Variants in DCHS2 observed in about 807,000 individuals in gnomAD.
DCHS2 encodes protocadherin-23.
A neutral mutation model predicts 182.4 loss-of-function variants in DCHS2; 142 were observed. The ratio of observed to expected loss-of-function variants is 0.78; its 90% CI spans 0.68 to 0.89. The LOEUF is 0.89. Among genes scored for constraint, DCHS2 ranks in the 40% least tolerant of loss-of-function variants. The pLI is 0.00. For synonymous variants in DCHS2, 1,740 were observed against 1,663.3 expected (o/e 1.05, Z -1.12); for missense variants, 4,319 against 4,198.6 (o/e 1.03, Z -0.79).
At chr4:154,452,662 T>C (rs2110979690) in intron 1 of DCHS2, among the ~76,000 whole-genome samples, 1 of 151,326 alleles carries the variant, frequency 6.6e-6, no homozygotes, top group Admixed American at 6.6e-5. Context: ...AAAAAAACTG[T>C]TAAAGGTTGA....
At chr4:154,331,629 T>C in intron 5 of DCHS2, 1 of 1,613,848 alleles carries the variant, frequency 6.2e-7, no homozygotes, top group South Asian at 1.1e-5. Flanking sequence ...AGGCTTGAAG[T>C]TCATCAGAAC....
chr4:154,471,440 T>C (rs1457158627), intron 1 of DCHS2, among the ~76,000 whole-genome samples: 1 of 152,194 alleles, frequency 6.6e-6, no homozygotes, highest in Non-Finnish European at 1.5e-5. Context: ...GATCAAACCA[T>C]GCTTCCCTTT....
intron 16 of DCHS2, among the ~76,000 whole-genome samples, chr4:154,252,765 A>C (rs1243186142): frequency 6.6e-6 from 1 of 151,754 alleles, no homozygotes; most frequent in Non-Finnish European, 1.5e-5. Context: ...AACCTCGGCT[A>C]TTGTGAATAT....
At chr4:154,280,832 T>C (rs1438695839) in intron 13 of DCHS2, among the ~76,000 whole-genome samples, 1 of 151,292 alleles carries the variant, frequency 6.6e-6, no homozygotes, top group African/African-American at 2.4e-5. Flanking sequence ...TCACTTCTTT[T>C]TTTTTTTTTT....
At chr4:154,428,316 G>A (rs1733416753) in intron 1 of DCHS2, among the ~76,000 whole-genome samples, 2 of 152,148 alleles carry the variant, frequency 1.3e-5, no homozygotes, top group African/African-American at 4.8e-5. Flanking sequence ...GAGGCGGGAG[G>A]ATTGTTTGAG....
rs72721390 is a variant in DCHS2 at position 154,266,923 on chromosome 4, A to G, written c.6577+2977T>C. 3.1e-3 allele frequency among the ~76,000 whole-genome samples: 475 copies of G among 152,234 alleles called. 2 individuals carry two copies. Among genetic ancestry groups the G allele is most frequent in the Non-Finnish European group, 5.3e-3 (363 of 68,026 alleles). Reference sequence around the variant, plus strand: ...TCTTCCTCATTTATTAACAATTCTCATTGGCCTTCAATATGTTCTTCTACT... The same window carrying G: ...TCTTCCTCATTTATTAACAATTCTCGTTGGCCTTCAATATGTTCTTCTACT... On this transcript the variant is annotated intron_variant, in intron 14 of 19. Coordinates refer to ENST00000357232, the MANE Select transcript of DCHS2 (RefSeq NM_001358235.2).
intron 1 of DCHS2, among the ~76,000 whole-genome samples, chr4:154,465,956 G>A (rs893565645): frequency 1.3e-5 from 2 of 152,154 alleles, no homozygotes; most frequent in Non-Finnish European, 2.9e-5. Context: ...AGATATTAAA[G>A]CTGCATTGTC....
At chr4:154,266,069 G>A (rs78182432) in intron 14 of DCHS2, among the ~76,000 whole-genome samples, 5,369 of 152,184 alleles carry the variant, frequency 0.035, 303 homozygotes, top group African/African-American at 0.12. Flanking sequence ...GCAAAATATC[G>A]TATTGTACTG....
chr4:154,468,038 TA>T lies in DCHS2; in HGVS notation c.2052+21265del, dbSNP rs202019391. On this transcript the variant is annotated intron_variant, in intron 1 of 19. Transcript: ENST00000357232. Reference sequence around the variant, plus strand: ...GTTGGTTTCAATGCCTGACCACCATTACCCTAAAAGCAAAACCTCATCAGCT... The same window carrying T: ...GTTGGTTTCAATGCCTGACCACCATTCCCTAAAAGCAAAACCTCATCAGCT... 4.6e-5 allele frequency among the ~76,000 whole-genome samples: 7 copies of T among 152,266 alleles called. No homozygotes were observed. The East Asian group carries it at 1.2e-3, about 25-fold the overall frequency.
chr4:154,463,757 C>T (rs1735121321), intron 1 of DCHS2, among the ~76,000 whole-genome samples: 2 of 151,288 alleles, frequency 1.3e-5, no homozygotes, highest in Admixed American at 1.3e-4. Flanking sequence ...TGTCTCTCTC[C>T]CCAAACTAAA....
chr4:154,320,094 A>G (rs1482297049), intron 9 of DCHS2, among the ~76,000 whole-genome samples: 5 of 152,216 alleles, frequency 3.3e-5, no homozygotes, highest in Non-Finnish European at 7.3e-5. Flanking sequence ...TCACAAAAAG[A>G]CAAAACTCCA....
intron 11 of DCHS2, 29 bp from the exon 12 acceptor site, chr4:154,304,907 T>C (rs1735384247): frequency 1.3e-6 from 2 of 1,575,768 alleles, no homozygotes; most frequent in Middle Eastern, 1.7e-4. Context: ...ACGGTATGAA[T>C]TGTGGCCTTT....
intron 10 of DCHS2, among the ~76,000 whole-genome samples, chr4:154,307,967 AAC>A (rs1735516136): frequency 6.6e-6 from 1 of 152,152 alleles, no homozygotes; most frequent in Admixed American, 6.5e-5. Context: ...TCATTCTTCA[AAC>A]ACACTCTCAG....
chr4:154,453,579 T>C (rs1427240205), intron 1 of DCHS2, among the ~76,000 whole-genome samples: 1 of 152,168 alleles, frequency 6.6e-6, no homozygotes, highest in Non-Finnish European at 1.5e-5. Context: ...ACTCATCTGC[T>C]GGGCAGTCTT....
intron 1 of DCHS2, among the ~76,000 whole-genome samples, chr4:154,405,745 C>T (rs1328457931): frequency 6.6e-6 from 1 of 152,156 alleles, no homozygotes; most frequent in Non-Finnish European, 1.5e-5. Flanking sequence ...CATTTTTTAG[C>T]AGCTGTTTAA....
At chr4:154,296,346 G>A (rs1734923744) in intron 13 of DCHS2, among the ~76,000 whole-genome samples, 1 of 152,150 alleles carries the variant, frequency 6.6e-6, no homozygotes, top group Non-Finnish European at 1.5e-5. Context: ...GGGTAGTCAG[G>A]AGGGGTGGCA....
At chr4:154,297,049 A>G (rs893672480) in intron 13 of DCHS2, among the ~76,000 whole-genome samples, 2 of 152,236 alleles carry the variant, frequency 1.3e-5, no homozygotes, top group Non-Finnish European at 2.9e-5. Context: ...TGTCTAAAAT[A>G]TGATCTGGCA....
At chr4:154,331,002 C>G (rs981941699) in intron 5 of DCHS2, among the ~76,000 whole-genome samples, 1 of 151,986 alleles carries the variant, frequency 6.6e-6, no homozygotes, top group Non-Finnish European at 1.5e-5. Context: ...TGGGGATGGG[C>G]GACACCAGGA....
chr4:154,441,542 A>G (rs1460902926), intron 1 of DCHS2, among the ~76,000 whole-genome samples: 2 of 146,912 alleles, frequency 1.4e-5, no homozygotes, highest in Non-Finnish European at 3.0e-5. Context: ...AAATAGGATA[A>G]CATAAATAAA....
Sources: gnomAD v4.1 joint callset for allele counts (sites outside exome capture counted in the v4.1 genomes callset) on GRCh38, gnomAD v4.1.1 for gene constraint, MANE v1.5 for transcripts, NCBI Gene and HGNC (gene_info 2026-07-23, HGNC 2026-07-21) for gene names.